The following FNDC3A variants were observed in gnomAD, a reference collection of about 807,000 sequenced individuals.
The protein encoded by FNDC3A is fibronectin type III domain containing 3A.
A neutral mutation model predicts 148.9 loss-of-function variants in FNDC3A; 32 were observed. The ratio of observed to expected loss-of-function variants is 0.21; its 90% confidence interval spans 0.16 to 0.29. FNDC3A has a LOEUF of 0.29. Among genes scored for constraint, FNDC3A ranks in the 10% least tolerant of loss-of-function variants. The pLI is 1.00. For synonymous variants in FNDC3A, 472 were observed against 473.6 expected (o/e 1.00, Z 0.04); for missense variants, 1,191 against 1,452.8 (o/e 0.82, Z 2.93).
At chr13:49,202,711 GCTGA>G (rs1886476483) in intron 24 of FNDC3A, among the ~76,000 whole-genome samples, 1 of 152,176 alleles carries the variant, frequency 6.6e-6, no homozygotes, top group Non-Finnish European at 1.5e-5. Context: ...TAAGAAGAGT[GCTGA>G]CTATAAGCAG....
At chr13:49,131,523 C>G (rs1048855281) in intron 5 of FNDC3A, 149 bp downstream of exon 5, 455 of 653,348 alleles carry the variant, frequency 7.0e-4, no homozygotes, top group Non-Finnish European at 1.0e-3. Flanking sequence ...ATATTAGGTG[C>G]TTCATCCTCA....
intron 7 of FNDC3A, 64 bp from the exon 8 acceptor site, chr13:49,145,714 T>C (rs1566281799): frequency 7.7e-7 from 1 of 1,305,528 alleles, no homozygotes. Flanking sequence ...TCATTAGATA[T>C]TTCACTGCTC....
At chr13:49,037,693 C>A (rs559737662) in intron 2 of FNDC3A, among the ~76,000 whole-genome samples, 1 of 152,196 alleles carries the variant, frequency 6.6e-6, no homozygotes, top group Non-Finnish European at 1.5e-5. Flanking sequence ...CCTCACCCCC[C>A]TCACAGTACA....
At chr13:49,034,932 T>C (rs894131934) in intron 2 of FNDC3A, among the ~76,000 whole-genome samples, 2 of 152,026 alleles carry the variant, frequency 1.3e-5, no homozygotes, top group Non-Finnish European at 2.9e-5. Context: ...ACTGTAATTA[T>C]CCCCTTGGGT....
intron 5 of FNDC3A, among the ~76,000 whole-genome samples, chr13:49,133,097 G>A (rs1882131180): frequency 6.6e-6 from 1 of 152,132 alleles, no homozygotes; most frequent in Non-Finnish European, 1.5e-5. Flanking sequence ...ATATGTATTT[G>A]TCAAACTTAT....
At chr13:49,144,430 A>G (rs796181706) in intron 7 of FNDC3A, among the ~76,000 whole-genome samples, 5 of 152,274 alleles carry the variant, frequency 3.3e-5, no homozygotes, top group African/African-American at 1.2e-4. Flanking sequence ...TTACAATTTT[A>G]TGGAGATTAC....
At chr13:49,016,150 G>A (rs866439601) in intron 2 of FNDC3A, among the ~76,000 whole-genome samples, 520 of 152,276 alleles carry the variant, frequency 3.4e-3, no homozygotes, top group African/African-American at 8.7e-3. Context: ...CTCTTTTTCT[G>A]TTGATTGGAA....
At chr13:49,012,921 T>C (rs541174319) in intron 2 of FNDC3A, among the ~76,000 whole-genome samples, 2 of 152,016 alleles carry the variant, frequency 1.3e-5, no homozygotes. Flanking sequence ...TGCTATACTC[T>C]TACTCATTTT....
At chr13:49,123,740 A>G (rs1256784814) in intron 4 of FNDC3A, among the ~76,000 whole-genome samples, 1 of 152,192 alleles carries the variant, frequency 6.6e-6, no homozygotes, top group Non-Finnish European at 1.5e-5. Flanking sequence ...CAACAAACAT[A>G]TGAAAAAAAG....
rs144750700 is a variant in FNDC3A, at chr13:49,176,008, T to A, written c.1530+467T>A. Among the ~76,000 whole-genome samples, 1,277 of 152,366 alleles carry A rather than the reference T, an allele frequency of 8.4e-3. 10 individuals carry two copies. The highest frequency in any genetic ancestry group is 0.014 in the Non-Finnish European group (935 of 68,036). ...ATGTGATGGATTACGTTTATTGATT[T>A]GCATATGCTGAACCAGCCTTGCATT... On this transcript the variant is annotated intron_variant, in intron 13 of 25. Coordinates refer to ENST00000492622, the MANE Select transcript of FNDC3A (RefSeq NM_001079673.2).
At chr13:49,150,967 G>A (rs1417901948) in intron 8 of FNDC3A, among the ~76,000 whole-genome samples, 1 of 144,900 alleles carries the variant, frequency 6.9e-6, no homozygotes, top group Non-Finnish European at 1.5e-5. Flanking sequence ...AAAAAAAATT[G>A]TTGAGACCTG....
chr13:49,076,886 C>CACTTTGGGGACACAT (rs1168812664), intron 3 of FNDC3A, among the ~76,000 whole-genome samples: 2 of 152,168 alleles, frequency 1.3e-5, no homozygotes, highest in Non-Finnish European at 2.9e-5. Flanking sequence ...AAAGTCTAAG[C>CACTTTGGGGACACAT]ACTTTGGGGA....
chr13:49,143,415 T>A lies in FNDC3A; in HGVS notation c.820-2363T>A, dbSNP rs182980433. On this transcript the variant is annotated intron_variant, in intron 7 of 25. Coordinates refer to ENST00000492622, the MANE Select transcript of FNDC3A (RefSeq NM_001079673.2). ...TGAAATTAGCATTTTAAAATTTTTT[T>A]AATTTATTTTTAAAACTATGTTTGC... Among the ~76,000 whole-genome samples, 543 of 152,266 alleles carry A rather than the reference T, an allele frequency of 3.6e-3. 2 individuals carry two copies. The highest frequency in any genetic ancestry group is 0.014 in the East Asian group (70 of 5,176).
At chr13:49,130,577 CAT>C (rs936653825) in intron 4 of FNDC3A, among the ~76,000 whole-genome samples, 7 of 152,202 alleles carry the variant, frequency 4.6e-5, no homozygotes, top group Middle Eastern at 3.4e-3. Flanking sequence ...TATCTAGTAT[CAT>C]AACTTATTAG....
At chr13:49,098,410 A>G (rs899569930) in intron 3 of FNDC3A, among the ~76,000 whole-genome samples, 1 of 152,074 alleles carries the variant, frequency 6.6e-6, no homozygotes, top group African/African-American at 2.4e-5. Flanking sequence ...TGCTGCAGTA[A>G]ATCCTAAGTG....
chr13:49,055,175 C>T (rs770808249), intron 2 of FNDC3A, among the ~76,000 whole-genome samples: 15 of 151,826 alleles, frequency 9.9e-5, no homozygotes, highest in Non-Finnish European at 2.2e-4. Flanking sequence ...ACGTTCGTGG[C>T]TCACTTCAGC....
intron 3 of FNDC3A, among the ~76,000 whole-genome samples, chr13:49,100,793 A>T (rs17072706): frequency 0.038 from 5,768 of 152,246 alleles, 159 homozygotes; most frequent in South Asian, 0.13. Flanking sequence ...AACTTAGAAC[A>T]CAGATAACTT....
intron 2 of FNDC3A, chr13:49,045,126 TTTCCCTTTCCC>T (rs1875284098): frequency 5.3e-6 from 1 of 189,422 alleles, no homozygotes; most frequent in Non-Finnish European, 1.1e-5. Flanking sequence ...TTTCTTTCCC[TTTCCCTTTCCC>T]TTTCCTTTCC....
Position 49,167,254 on chromosome 13 carries a change from A to G in FNDC3A, c.988A>G (p.Thr330Ala). Residue 330 changes from threonine to alanine, a missense_variant, in exon 9 of 26, where the codon ACA (threonine) becomes GCA (alanine). By Grantham distance (58) the Thr-to-Ala change is moderately conservative. Transcript: ENST00000492622. ...KYKSVYVGEE[T>A]NITLNDLKPA... ...CCCTTTTTTCCCCAGAGGAGAAGAA[A>G]CAAATATCACTTTAAATGATCTCAA... The G allele has an allele frequency of 1.2e-6, 2 of 1,600,896 alleles. No homozygotes were observed. The highest frequency in any genetic ancestry group is 1.7e-6 in the Non-Finnish European group (2 of 1,172,574).
Sources: gnomAD v4.1 joint callset for allele counts (sites outside exome capture counted in the v4.1 genomes callset) on GRCh38, gnomAD v4.1.1 for gene constraint, MANE v1.5 for transcripts, NCBI Gene and HGNC (gene_info 2026-07-23, HGNC 2026-07-21) for gene names.